The following TANC1 variants were observed in gnomAD, a reference collection of about 807,000 sequenced individuals.
The protein encoded by TANC1 is protein TANC1.
Under a neutral mutation model 149.7 loss-of-function variants are expected in TANC1, and 77 were observed. The ratio of observed to expected loss-of-function variants is 0.51; its 90% CI spans 0.43 to 0.62. TANC1 has a LOEUF of 0.62. Ranked by LOEUF, TANC1 falls within the 20% of genes least tolerant of loss-of-function variation. The pLI is 0.00. For synonymous variants in TANC1, 854 were observed against 925.0 expected, an observed-to-expected ratio of 0.92 and a Z score of 1.39; for missense variants, 1,985 against 2,321.8, an observed-to-expected ratio of 0.85 and a Z score of 2.98.
At chr2:159,143,611 G>C (rs78137167) in intron 5 of TANC1, among the ~76,000 whole-genome samples, 1 of 149,086 alleles carries the variant, frequency 6.7e-6, no homozygotes, top group Non-Finnish European at 1.5e-5. Context: ...TCAAGTTTTG[G>C]CTGGGTATCA....
At chr2:159,049,101 C>T (rs532220533) in intron 2 of TANC1, among the ~76,000 whole-genome samples, 1 of 152,240 alleles carries the variant, frequency 6.6e-6, no homozygotes, top group African/African-American at 2.4e-5. Flanking sequence ...CTCCCTCTTC[C>T]ATCATATTTG....
In TANC1 at chr2:159,150,568, A is replaced by G. The variant is rs779300119; in HGVS notation, c.682+12A>G. 1.2e-5 allele frequency: 19 copies of G among 1,601,562 alleles called. No individual in the cohort carries two copies. In the African/African-American group the frequency reaches 1.3e-4, roughly 11 times the overall value. ...CAGTGGAATTATAGGTAAGAAGCAC[A>G]CTGCTCGGTAACATAATGGCTCGAA... is the stretch of plus-strand genomic sequence containing the variant. On this transcript the variant is annotated intron_variant, in intron 7 of 26. Coordinates refer to ENST00000263635, the MANE Select transcript of TANC1 (RefSeq NM_033394.3).
intron 2 of TANC1, among the ~76,000 whole-genome samples, chr2:159,018,976 C>G (rs1241005535): frequency 1.3e-5 from 2 of 152,170 alleles, no homozygotes; most frequent in Non-Finnish European, 2.9e-5. Flanking sequence ...CATTTATTTC[C>G]TATATGTGTA....
At chr2:158,979,996 A>G (rs1333481396) in intron 1 of TANC1, among the ~76,000 whole-genome samples, 2 of 152,224 alleles carry the variant, frequency 1.3e-5, no homozygotes, top group African/African-American at 2.4e-5. Flanking sequence ...TGAATCATCC[A>G]TGTAACTTAA....
At chr2:159,120,916 A>G (rs981103583) in intron 4 of TANC1, among the ~76,000 whole-genome samples, 1 of 151,978 alleles carries the variant, frequency 6.6e-6, no homozygotes, top group Non-Finnish European at 1.5e-5. Flanking sequence ...TTTCTCTTTT[A>G]CTTACGGCAG....
At chr2:159,177,287 C>T (rs1043088698) in intron 13 of TANC1, among the ~76,000 whole-genome samples, 11 of 151,958 alleles carry the variant, frequency 7.2e-5, no homozygotes, top group Admixed American at 1.3e-4. Flanking sequence ...ACATTTGCAG[C>T]GAGGGGTAGG....
At position 159,064,527 on chromosome 2, in the gene TANC1, G is replaced by T. The variant is rs547693249; in HGVS notation, c.-15-1369G>T. On this transcript the variant is annotated intron_variant, in intron 2 of 26. Coordinates refer to ENST00000263635, the MANE Select transcript of TANC1 (RefSeq NM_033394.3). The stretch of plus-strand genomic sequence containing the variant: ...GACCGGCCTGGTGGAGGGGAGGAAG[G>T]TGGTCCTGCTGGGCTGCTGCAGATT... Among the ~76,000 whole-genome samples, 5 of 152,348 alleles carry T rather than the reference G, an allele frequency of 3.3e-5. No individual in the cohort carries two copies. In the South Asian group the frequency reaches 1.0e-3, roughly 32 times the overall value.
chr2:159,136,371 C>A, intron 5 of TANC1, 73 bp downstream of exon 5: 1 of 878,376 alleles, frequency 1.1e-6, no homozygotes, highest in Non-Finnish European at 1.9e-6. Context: ...CTGAATGAAA[C>A]TTGAGTGTCC....
intron 1 of TANC1, among the ~76,000 whole-genome samples, chr2:158,993,680 C>T (rs2035884076): frequency 6.6e-6 from 1 of 152,180 alleles, no homozygotes; most frequent in Non-Finnish European, 1.5e-5. Context: ...AAGCCATCTT[C>T]TGGTTTGTCT....
intron 1 of TANC1, among the ~76,000 whole-genome samples, chr2:158,993,794 T>G (rs1450766969): frequency 1.3e-5 from 2 of 152,216 alleles, no homozygotes; most frequent in Admixed American, 1.3e-4. Flanking sequence ...AAAAGTTAAT[T>G]TCTAAAGTCA....
chr2:159,176,907 A>AT (rs10647127), intron 13 of TANC1, among the ~76,000 whole-genome samples: 1,726 of 101,920 alleles, frequency 0.017, 99 homozygotes, highest in African/African-American at 0.05. Flanking sequence ...AAGGTGAAAG[A>AT]TTTTTTTTTT....
chr2:158,972,242 C>T (rs976902644), intron 1 of TANC1, among the ~76,000 whole-genome samples: 2 of 152,234 alleles, frequency 1.3e-5, no homozygotes, highest in Non-Finnish European at 2.9e-5. Flanking sequence ...CTTCTCAAAT[C>T]TGTACCTCTT....
In TANC1 at chr2:159,081,404, C is replaced by T. The variant is rs77294288; in HGVS notation, c.61+15433C>T. Among the ~76,000 whole-genome samples, 1,028 of 151,888 alleles carry T rather than the reference C, an allele frequency of 6.8e-3. 57 individuals are homozygous for T. The East Asian group carries it at 0.14, about 20-fold the overall frequency. ...CCACCTGTTCTTGCCCCACTGCCAT[C>T]TAGTAGGGCCAAAGTAAAGGCTGGC... On this transcript the variant is annotated intron_variant, in intron 3 of 26. Transcript: ENST00000263635.
At chr2:159,141,163 T>C (rs183585324) in intron 5 of TANC1, among the ~76,000 whole-genome samples, 1 of 152,226 alleles carries the variant, frequency 6.6e-6, no homozygotes, top group African/African-American at 2.4e-5. Context: ...ATCAAGGTAG[T>C]CTGCAGATTT....
chr2:159,004,201 A>G (rs2036910939), intron 2 of TANC1: 2 of 1,612,542 alleles, frequency 1.2e-6, no homozygotes, highest in Non-Finnish European at 1.7e-6. Flanking sequence ...TTAGCTGAAC[A>G]GTTCCCACGG....
At chr2:159,052,845 A>G (rs2041569201) in intron 2 of TANC1, among the ~76,000 whole-genome samples, 1 of 152,220 alleles carries the variant, frequency 6.6e-6, no homozygotes, top group African/African-American at 2.4e-5. Flanking sequence ...TGCTTTAAAA[A>G]CTGCAGTAGT....
chr2:159,148,966 C>A, intron 5 of TANC1, 176 bp from the exon 6 acceptor site: 1 of 657,526 alleles, frequency 1.5e-6, no homozygotes, highest in Non-Finnish European at 2.5e-6. Flanking sequence ...CTTAACCTGT[C>A]ACAGTCCCTT....
At chr2:159,065,384 T>G (rs973129850) in intron 2 of TANC1, among the ~76,000 whole-genome samples, 10 of 152,248 alleles carry the variant, frequency 6.6e-5, no homozygotes, top group African/African-American at 1.4e-4. Context: ...CCACTGTATT[T>G]ATTTTGCAAA....
rs373000954 is a variant in TANC1, at chr2:159,217,621, G to T, written c.3369G>T (p.Gly1123=). 1,774 of 1,614,076 alleles carry T rather than the reference G, an allele frequency of 1.1e-3. 3 individuals carry two copies. The highest frequency in any genetic ancestry group is 1.3e-3 in the Non-Finnish European group (1,588 of 1,180,026). ...VPPLFCAARQ[G]HWQIVRLLLE... Reference sequence around the variant, plus strand: ...CTTTGTTTTGTGCAGCACGCCAGGGGCATTGGCAGGTACCCAGGGGGCCCC... The same window carrying T: ...CTTTGTTTTGTGCAGCACGCCAGGGTCATTGGCAGGTACCCAGGGGGCCCC... The change falls in exon 20 of 27, where the codon GGG becomes GGT. Residue 1123 remains glycine, a synonymous_variant. Coordinates refer to ENST00000263635, the MANE Select transcript of TANC1 (RefSeq NM_033394.3).
Sources: gnomAD v4.1 joint callset for allele counts (sites outside exome capture counted in the v4.1 genomes callset) on GRCh38, gnomAD v4.1.1 for gene constraint, MANE v1.5 for transcripts, NCBI Gene and HGNC (gene_info 2026-07-23, HGNC 2026-07-21) for gene names.